The following RAP1GAP2 variants were observed in gnomAD, a reference collection of about 807,000 sequenced individuals.
RAP1GAP2 encodes the protein RAP1 GTPase activating protein 2.
RAP1GAP2 carries 27 observed loss-of-function variants against 95.0 expected under a neutral mutation model. The ratio of observed to expected loss-of-function variants is 0.28; its 90% CI spans 0.21 to 0.39. RAP1GAP2 has a LOEUF of 0.39. Among genes scored for constraint, RAP1GAP2 ranks in the 10% least tolerant of loss-of-function variants. RAP1GAP2 has a pLI of 1.00. For missense variants in RAP1GAP2, 771 were observed against 970.0 expected (o/e 0.79, Z 2.72); for synonymous variants, 373 against 380.9 (o/e 0.98, Z 0.24).
chr17:3,021,430 C>CTTTTTTTT (rs57099220), intron 19 of RAP1GAP2, among the ~76,000 whole-genome samples: 1 of 95,744 alleles, frequency 1.0e-5, no homozygotes, highest in Non-Finnish European at 2.0e-5. Flanking sequence ...CGATATTTGT[C>CTTTTTTTT]TTTTTTTTTT....
intron 18 of RAP1GAP2, among the ~76,000 whole-genome samples, chr17:3,019,001 G>C (rs776991079): frequency 2.0e-5 from 3 of 152,232 alleles, no homozygotes; most frequent in Non-Finnish European, 4.4e-5. Context: ...GGTGGAACTT[G>C]CAGTGAGCCG....
At chr17:2,986,670 A>C (rs1397879168) in intron 11 of RAP1GAP2, among the ~76,000 whole-genome samples, 1 of 151,938 alleles carries the variant, frequency 6.6e-6, no homozygotes, top group East Asian at 1.9e-4. Flanking sequence ...AGCCTCACCT[A>C]ACTCTCGTGT....
intron 2 of RAP1GAP2, among the ~76,000 whole-genome samples, chr17:2,841,601 C>T (rs1476417208): frequency 6.6e-6 from 1 of 152,012 alleles, no homozygotes; most frequent in South Asian, 2.1e-4. Context: ...CCACCGTGCC[C>T]GGCCGATTTG....
chr17:2,868,508 C>A (rs1206142537), intron 2 of RAP1GAP2, among the ~76,000 whole-genome samples: 1 of 143,792 alleles, frequency 7.0e-6, no homozygotes, highest in Non-Finnish European at 1.5e-5. Flanking sequence ...ATTCCTCTAC[C>A]AGGTGCAATT....
chr17:2,997,295 C>T (rs193158443), intron 13 of RAP1GAP2, among the ~76,000 whole-genome samples: 5 of 152,172 alleles, frequency 3.3e-5, no homozygotes, highest in Admixed American at 6.5e-5. Flanking sequence ...CCCCCTGACA[C>T]GTCTCCTCCT....
intron 8 of RAP1GAP2, among the ~76,000 whole-genome samples, chr17:2,968,656 G>A (rs1477775024): frequency 1.3e-5 from 2 of 151,932 alleles, no homozygotes; most frequent in African/African-American, 2.4e-5. Flanking sequence ...AGAAAACAAA[G>A]GAATAATAAA....
intron 2 of RAP1GAP2, among the ~76,000 whole-genome samples, chr17:2,824,991 C>T (rs2070486131): frequency 6.6e-6 from 1 of 152,110 alleles, no homozygotes; most frequent in Admixed American, 6.6e-5. Context: ...GTCCCCCAGG[C>T]TGGAGTGCAG....
chr17:2,871,573 C>T lies in RAP1GAP2; in HGVS notation c.81-33711C>T, dbSNP rs1001382051. 1.3e-5 allele frequency among the ~76,000 whole-genome samples: 2 copies of T among 152,208 alleles called. No individual in the cohort carries two copies. The highest frequency in any genetic ancestry group is 4.8e-5 in the African/African-American group (2 of 41,452). On this transcript the variant is annotated intron_variant, in intron 2 of 24. Transcript: ENST00000254695. The surrounding 1 kb of genome is among the most constrained non-coding windows in gnomAD (Gnocchi z 5.0). ...CGGTAGGGCCAGCAAACACCATAGA[C>T]AAAAGCTGCTTTGGAGTTGGTGCCA... is the stretch of plus-strand genomic sequence containing the variant.
intron 18 of RAP1GAP2, among the ~76,000 whole-genome samples, chr17:3,019,830 G>C (rs1230279038): frequency 6.6e-6 from 1 of 152,178 alleles, no homozygotes; most frequent in Non-Finnish European, 1.5e-5. Flanking sequence ...AGGCTTGGTG[G>C]CCTCTAGAGG....
In RAP1GAP2 at chr17:2,803,782, G is replaced by A. The variant is rs2069399783; in HGVS notation, c.80+3232G>A. ...TAGCCCCGGCTACTTGGGAGGCTGA[G>A]GCAGGAGAGTCGCTTGAACCCAGGA... On this transcript the variant is annotated intron_variant, in intron 2 of 24. Transcript: ENST00000254695. 2.0e-5 allele frequency among the ~76,000 whole-genome samples: 3 copies of A among 152,200 alleles called. No individual in the cohort carries two copies. The South Asian group carries it at 6.2e-4, about 31-fold the overall frequency.
At chr17:2,850,281 T>C (rs372184017) in intron 2 of RAP1GAP2, among the ~76,000 whole-genome samples, 2,587 of 151,130 alleles carry the variant, frequency 0.017, 79 homozygotes, top group African/African-American at 0.06. Context: ...ATTACAGGCG[T>C]GAGCCACTGC....
intron 9 of RAP1GAP2, among the ~76,000 whole-genome samples, chr17:2,980,648 T>G (rs2151535708): frequency 6.6e-6 from 1 of 152,090 alleles, no homozygotes; most frequent in Non-Finnish European, 1.5e-5. Flanking sequence ...GTTTGGGAAG[T>G]GAGAGAAGTA....
At chr17:2,957,382 G>GCCCCA (rs2044155604) in intron 3 of RAP1GAP2, among the ~76,000 whole-genome samples, 1 of 152,188 alleles carries the variant, frequency 6.6e-6, no homozygotes. Flanking sequence ...GGACACCTTG[G>GCCCCA]CCCCACTGTT....
At chr17:2,862,678 T>A (rs1291266845) in intron 2 of RAP1GAP2, among the ~76,000 whole-genome samples, 1 of 152,158 alleles carries the variant, frequency 6.6e-6, no homozygotes, top group Non-Finnish European at 1.5e-5. Context: ...TGGTTTTCCA[T>A]GTATGATAGT....
intron 17 of RAP1GAP2, among the ~76,000 whole-genome samples, chr17:3,013,612 T>TTTTTC (rs796384755): frequency 1.6e-5 from 2 of 124,428 alleles, no homozygotes; most frequent in Non-Finnish European, 3.2e-5. Context: ...AGCCTCTGAG[T>TTTTTC]TTTTCTTTTC....
chr17:2,989,109 A>G (rs2045664036), intron 11 of RAP1GAP2, among the ~76,000 whole-genome samples: 1 of 151,992 alleles, frequency 6.6e-6, no homozygotes, highest in African/African-American at 2.4e-5. Flanking sequence ...AAAACTGCCA[A>G]ACAGTTTTCT....
chr17:3,012,508 C>G (rs1285215085), intron 17 of RAP1GAP2, among the ~76,000 whole-genome samples: 1 of 144,774 alleles, frequency 6.9e-6, no homozygotes, highest in East Asian at 2.2e-4. Flanking sequence ...ATCCCAGCTA[C>G]TTGGGAGGCT....
chr17:2,898,270 C>T (rs1336502452), intron 2 of RAP1GAP2, among the ~76,000 whole-genome samples: 16 of 152,170 alleles, frequency 1.1e-4, no homozygotes, highest in Admixed American at 1.0e-3. Context: ...CTTTGGAATC[C>T]TCTCAGAGTA....
Position 2,995,585 on chromosome 17 carries a change from G to A in RAP1GAP2, c.1044+119G>A, listed in dbSNP as rs1208564305. On this transcript the variant is annotated intron_variant, in intron 13 of 24. Transcript: ENST00000254695. The stretch of plus-strand genomic sequence containing the variant: ...TATTCGTTCCCGTAGCCGGCCATTC[G>A]TTCAGCTGCGCAGCAGCGTCACAGT... The A allele has an allele frequency of 9.8e-5, 134 of 1,364,506 alleles. 1 individual carries two copies. Among genetic ancestry groups the A allele is most frequent in the Admixed American group, 4.3e-5 (2 of 46,616 alleles). 84.5% of individuals were successfully genotyped at this position (1,364,506 alleles called of 1,614,324 possible).
Sources: allele counts gnomAD v4.1 joint callset (sites outside exome capture counted in the v4.1 genomes callset), GRCh38; gene constraint gnomAD v4.1.1; non-coding constraint Gnocchi (gnomAD v3.1); transcripts MANE v1.5; gene names NCBI Gene and HGNC (gene_info 2026-07-23, HGNC 2026-07-21).